The following THSD7B variants were observed in gnomAD, a reference collection of about 807,000 sequenced individuals.
THSD7B encodes the protein thrombospondin type 1 domain containing 7B.
THSD7B carries 138 observed loss-of-function variants against 213.6 expected under a neutral mutation model. The ratio of observed to expected loss-of-function variants is 0.65; its 90% CI spans 0.56 to 0.74. THSD7B has a LOEUF of 0.74. Ranked by LOEUF, THSD7B falls within the 30% of genes least tolerant of loss-of-function variation. The pLI, the probability that THSD7B is intolerant of heterozygous loss-of-function variation, is 0.00. For synonymous variants in THSD7B, 742 were observed against 687.0 expected (o/e 1.08, Z -1.25); for missense variants, 1,931 against 1,991.5 (o/e 0.97, Z 0.58).
chr2:137,491,081 A>T (rs1226254770), intron 15 of THSD7B, among the ~76,000 whole-genome samples: 1 of 152,232 alleles, frequency 6.6e-6, no homozygotes, highest in East Asian at 1.9e-4. Flanking sequence ...TTTTTAGATT[A>T]GAGACACATT....
At chr2:137,605,648 CTTTTTT>C (rs34604281) in intron 17 of THSD7B, among the ~76,000 whole-genome samples, 13 of 68,966 alleles carry the variant, frequency 1.9e-4, no homozygotes, top group African/African-American at 7.4e-4. Flanking sequence ...GCACTTCGCA[CTTTTTT>C]TTTTTTTTTT....
intron 9 of THSD7B, among the ~76,000 whole-genome samples, chr2:137,235,372 A>G (rs757961219): frequency 3.3e-5 from 5 of 152,168 alleles, no homozygotes; most frequent in Admixed American, 6.5e-5. Flanking sequence ...TCTCCTTTCC[A>G]CAAAGCTTTT....
At chr2:137,584,814 C>T (rs1364474947) in intron 17 of THSD7B, among the ~76,000 whole-genome samples, 1 of 152,156 alleles carries the variant, frequency 6.6e-6, no homozygotes, top group Non-Finnish European at 1.5e-5. Context: ...TGTTGTGTCT[C>T]TGTCAGGCTT....
At chr2:137,216,071 G>A (rs1477931681) in intron 7 of THSD7B, among the ~76,000 whole-genome samples, 4 of 152,042 alleles carry the variant, frequency 2.6e-5, no homozygotes, top group Admixed American at 6.6e-5. Flanking sequence ...ATTAGAAACC[G>A]TATTGCAGTC....
intron 20 of THSD7B, among the ~76,000 whole-genome samples, chr2:137,626,183 C>T (rs916076142): frequency 6.6e-6 from 1 of 152,084 alleles, no homozygotes; most frequent in Non-Finnish European, 1.5e-5. Context: ...CTTTAGGGGG[C>T]CAGGCGCGGT....
At position 137,519,886 on chromosome 2, in the gene THSD7B, G is replaced by A. The variant is rs546776821; in HGVS notation, c.3139-43335G>A. Among the ~76,000 whole-genome samples the A allele has an allele frequency of 2.3e-4, 35 of 152,226 alleles. 1 individual carries two copies. In the South Asian group the frequency reaches 7.0e-3, roughly 31 times the overall value. On this transcript the variant is annotated intron_variant, in intron 15 of 27. Coordinates refer to ENST00000409968, the MANE Select transcript of THSD7B (RefSeq NM_001316349.2). The stretch of plus-strand genomic sequence containing the variant: ...TATTTGATCACTGGGGCTTTAAAAG[G>A]AAACATATCTCAGAGAATGAGTGAA...
At chr2:137,241,824 A>G (rs770573353) in intron 9 of THSD7B, among the ~76,000 whole-genome samples, 2 of 151,842 alleles carry the variant, frequency 1.3e-5, no homozygotes, top group Non-Finnish European at 2.9e-5. Flanking sequence ...TGTGAGAGTC[A>G]CTTGAACTTG....
intron 5 of THSD7B, among the ~76,000 whole-genome samples, chr2:137,155,260 C>T (rs1333480933): frequency 6.6e-6 from 1 of 152,064 alleles, no homozygotes; most frequent in Non-Finnish European, 1.5e-5. Context: ...GCCTATAAGA[C>T]CTTGGATAAT....
At chr2:137,071,814 C>G (rs1270921227) in intron 3 of THSD7B, among the ~76,000 whole-genome samples, 1 of 152,168 alleles carries the variant, frequency 6.6e-6, no homozygotes, top group Non-Finnish European at 1.5e-5. Context: ...CCAGTTTCAG[C>G]TTTCTACATA....
At chr2:137,424,296 G>T (rs907216909) in intron 14 of THSD7B, among the ~76,000 whole-genome samples, 3 of 152,102 alleles carry the variant, frequency 2.0e-5, no homozygotes, top group African/African-American at 7.2e-5. Context: ...AGAAACAAAA[G>T]AAAAAATTAA....
chr2:137,265,331 T>A (rs1682562039), intron 10 of THSD7B, among the ~76,000 whole-genome samples: 1 of 152,176 alleles, frequency 6.6e-6, no homozygotes, highest in Non-Finnish European at 1.5e-5. Flanking sequence ...CTGGAGAGGA[T>A]GTGGAGAAAT....
At chr2:136,957,600 T>C (rs1446781716) in intron 2 of THSD7B, among the ~76,000 whole-genome samples, 1 of 150,106 alleles carries the variant, frequency 6.7e-6, no homozygotes, top group Non-Finnish European at 1.5e-5. Flanking sequence ...CTGAGTTTTG[T>C]GTATTGTATG....
intron 14 of THSD7B, among the ~76,000 whole-genome samples, chr2:137,450,401 T>G (rs980942335): frequency 1.3e-5 from 2 of 152,180 alleles, no homozygotes; most frequent in African/African-American, 4.8e-5. Context: ...CCTCTTCCCA[T>G]CCCCAAGTCA....
chr2:136,872,363 C>T lies in THSD7B; in HGVS notation c.-35-9781C>T, dbSNP rs114234145. Among the ~76,000 whole-genome samples, 470 of 116,224 alleles carry T rather than the reference C, an allele frequency of 4.0e-3. 5 individuals carry two copies. Among genetic ancestry groups the T allele is most frequent in the African/African-American group, 0.015 (442 of 28,576 alleles). 76.2% of individuals were successfully genotyped at this position (116,224 alleles called of 152,430 possible). A position where few individuals can be genotyped will look rare whatever the true frequency, so the allele number is the denominator to read the frequency against. On this transcript the variant is annotated intron_variant, in intron 1 of 27. Coordinates refer to ENST00000409968, the MANE Select transcript of THSD7B (RefSeq NM_001316349.2). Reference sequence around the variant, plus strand: ...TGATCTATGGGAAAGAGATAAATGGCGAAAGACCATACTTTTTTCGGGGGG... The same window carrying T: ...TGATCTATGGGAAAGAGATAAATGGTGAAAGACCATACTTTTTTCGGGGGG...
At chr2:137,463,812 T>G (rs1687933850) in intron 15 of THSD7B, among the ~76,000 whole-genome samples, 1 of 152,118 alleles carries the variant, frequency 6.6e-6, no homozygotes. Context: ...ATATCTCATC[T>G]TCACTTGGGA....
In THSD7B at chr2:136,875,159, C is replaced by T. The variant is rs552403891; in HGVS notation, c.-35-6985C>T. On this transcript the variant is annotated intron_variant, in intron 1 of 27. Coordinates refer to ENST00000409968, the MANE Select transcript of THSD7B (RefSeq NM_001316349.2). ...ATTCTGGGCTGGGCACAGTGGCTCA[C>T]GTCTGTGATCCCAGCACATTGGGAG... 4.0e-4 allele frequency among the ~76,000 whole-genome samples: 61 copies of T among 152,348 alleles called. No homozygotes were observed. In the South Asian group the frequency reaches 0.01, roughly 26 times the overall value.
At chr2:137,039,739 T>C (rs780989615) in intron 2 of THSD7B, among the ~76,000 whole-genome samples, 1 of 152,200 alleles carries the variant, frequency 6.6e-6, no homozygotes, top group African/African-American at 2.4e-5. Flanking sequence ...AAAATCAGGA[T>C]TTGGACTAAA....
intron 4 of THSD7B, among the ~76,000 whole-genome samples, chr2:137,114,423 T>A (rs1688408498): frequency 2.6e-5 from 4 of 152,232 alleles, no homozygotes; most frequent in African/African-American, 9.6e-5. Context: ...CCATTGTGTT[T>A]TCCCCCTTAT....
At chr2:136,958,764 C>T (rs1685167939) in intron 2 of THSD7B, among the ~76,000 whole-genome samples, 1 of 152,206 alleles carries the variant, frequency 6.6e-6, no homozygotes, top group South Asian at 2.1e-4. Context: ...TTGATTAGAT[C>T]AAGCTTATTA....
Sources: gnomAD v4.1 joint callset for allele counts (sites outside exome capture counted in the v4.1 genomes callset) on GRCh38, gnomAD v4.1.1 for gene constraint, MANE v1.5 for transcripts, NCBI Gene and HGNC (gene_info 2026-07-23, HGNC 2026-07-21) for gene names.